LUZP2: variants seen among roughly 807,000 people sequenced by gnomAD.
LUZP2 encodes the protein leucine zipper protein 2.
In LUZP2, 52 loss-of-function variants were observed where a neutral mutation model predicts 51.6. The ratio of observed to expected loss-of-function variants is 1.01; its 90% CI spans 0.81 to 1.27. LUZP2 has a LOEUF of 1.27. Ranked by LOEUF, LUZP2 falls within the 50% of genes most tolerant of loss-of-function variation. The pLI, the probability that LUZP2 is intolerant of heterozygous loss-of-function variation, is 0.00. For missense variants in LUZP2, 436 were observed against 395.4 expected (o/e 1.10, Z -0.87); for synonymous variants, 154 against 137.3 (o/e 1.12, Z -0.85).
intron 5 of LUZP2, among the ~76,000 whole-genome samples, chr11:24,847,095 A>C (rs1197322605): frequency 6.6e-6 from 1 of 151,824 alleles, no homozygotes; most frequent in Non-Finnish European, 1.5e-5. Flanking sequence ...TTACTTGAAA[A>C]CACATTACAG....
intron 5 of LUZP2, among the ~76,000 whole-genome samples, chr11:24,834,415 G>T (rs1190137495): frequency 3.3e-5 from 5 of 152,186 alleles, no homozygotes; most frequent in African/African-American, 1.2e-4. Flanking sequence ...TCCCTGCAAA[G>T]GACATGATCT....
At chr11:24,944,958 C>T (rs376053810) in intron 7 of LUZP2, among the ~76,000 whole-genome samples, 5 of 152,262 alleles carry the variant, frequency 3.3e-5, no homozygotes, top group East Asian at 3.9e-4. Context: ...TATGCTCATA[C>T]GTACATTTAT....
At chr11:24,918,779 C>T (rs1312339671) in intron 7 of LUZP2, among the ~76,000 whole-genome samples, 1 of 147,250 alleles carries the variant, frequency 6.8e-6, no homozygotes, top group Admixed American at 7.0e-5. Flanking sequence ...TGTCTATTTC[C>T]CTTTGTATGA....
chr11:24,673,236 G>T (rs768075702), intron 1 of LUZP2, among the ~76,000 whole-genome samples: 1 of 152,152 alleles, frequency 6.6e-6, no homozygotes, highest in Admixed American at 6.5e-5. Flanking sequence ...AGGTAGAGTA[G>T]AAATACAGTA....
intron 7 of LUZP2, among the ~76,000 whole-genome samples, chr11:24,926,464 TAC>T (rs1318369825): frequency 1.1e-4 from 15 of 137,976 alleles, no homozygotes; most frequent in Admixed American, 2.2e-4. Flanking sequence ...TGTATATATA[TAC>T]GTGTATATAT....
At chr11:24,775,445 C>G (rs141300225) in intron 5 of LUZP2, among the ~76,000 whole-genome samples, 1 of 152,116 alleles carries the variant, frequency 6.6e-6, no homozygotes, top group Non-Finnish European at 1.5e-5. Flanking sequence ...ATTGTTACAG[C>G]CAAAGCATAA....
At chr11:24,789,154 T>C (rs1849335139) in intron 5 of LUZP2, among the ~76,000 whole-genome samples, 1 of 152,352 alleles carries the variant, frequency 6.6e-6, no homozygotes, top group African/African-American at 2.4e-5. Flanking sequence ...TAGTACGCTC[T>C]ATGGACAACA....
chr11:24,558,792 T>A (rs781287157), intron 1 of LUZP2, among the ~76,000 whole-genome samples: 1 of 152,204 alleles, frequency 6.6e-6, no homozygotes, highest in Non-Finnish European at 1.5e-5. Context: ...ACAGTGTTTG[T>A]CACTTTTGTC....
intron 1 of LUZP2, among the ~76,000 whole-genome samples, chr11:24,593,250 C>T (rs751790584): frequency 1.1e-4 from 16 of 152,102 alleles, no homozygotes; most frequent in Non-Finnish European, 2.2e-4. Context: ...TTGCAAATGT[C>T]TTACATTATA....
At chr11:25,014,209 T>G (rs1426235501) in intron 9 of LUZP2, among the ~76,000 whole-genome samples, 2 of 152,232 alleles carry the variant, frequency 1.3e-5, no homozygotes, top group Non-Finnish European at 2.9e-5. Flanking sequence ...ACAATAAACA[T>G]ACGTGTGCGT....
intron 9 of LUZP2, among the ~76,000 whole-genome samples, chr11:25,005,287 C>T (rs111711200): frequency 4.6e-5 from 7 of 152,280 alleles, no homozygotes; most frequent in African/African-American, 1.7e-4. Context: ...AAAGGTCCTC[C>T]TGTGAGATGT....
intron 5 of LUZP2, chr11:24,785,788 A>G (rs1402387499): frequency 1.2e-6 from 1 of 808,102 alleles, no homozygotes; most frequent in African/African-American, 1.9e-5. Context: ...GTCAGACAGC[A>G]TTTAGCCCAC....
At chr11:24,954,470 G>A (rs1855161742) in intron 7 of LUZP2, among the ~76,000 whole-genome samples, 1 of 152,010 alleles carries the variant, frequency 6.6e-6, no homozygotes, top group East Asian at 1.9e-4. Context: ...TGGCACCCCT[G>A]GTCTGATGTC....
At chr11:24,899,648 C>T (rs770080868) in intron 5 of LUZP2, among the ~76,000 whole-genome samples, 3 of 151,964 alleles carry the variant, frequency 2.0e-5, no homozygotes, top group African/African-American at 2.4e-5. Flanking sequence ...AAGGCTTTAG[C>T]GTGTCTCACA....
rs564553689 is a variant in LUZP2 at position 24,600,215 on chromosome 11, ACACG to A, written c.62+102914_62+102917del. 6.6e-3 allele frequency among the ~76,000 whole-genome samples: 958 copies of A among 145,550 alleles called. 30 individuals are homozygous for A. The East Asian group carries it at 0.088, about 13-fold the overall frequency. On this transcript the variant is annotated intron_variant, in intron 1 of 11. Transcript: ENST00000336930. ...CACACACACACACACACACACACAC[ACACG>A]CACAATGGGGTAACATCATGTGAAG...
chr11:24,509,537 T>C (rs1464844996), intron 1 of LUZP2, among the ~76,000 whole-genome samples: 1 of 148,964 alleles, frequency 6.7e-6, no homozygotes, highest in Non-Finnish European at 1.5e-5. Flanking sequence ...ATGTAGTATA[T>C]ATTATATGCA....
chr11:24,636,480 C>T (rs1358555816), intron 1 of LUZP2, among the ~76,000 whole-genome samples: 1 of 152,090 alleles, frequency 6.6e-6, no homozygotes, highest in Non-Finnish European at 1.5e-5. Flanking sequence ...ATCAGATTTT[C>T]CCCATTGATA....
intron 10 of LUZP2, among the ~76,000 whole-genome samples, chr11:25,073,425 A>C (rs760037960): frequency 1.3e-5 from 2 of 152,158 alleles, no homozygotes; most frequent in Non-Finnish European, 2.9e-5. Context: ...TGCTGGGAGA[A>C]TCTCCGGAAC....
At chr11:25,028,066 T>C (rs2133985413) in intron 9 of LUZP2, among the ~76,000 whole-genome samples, 1 of 152,240 alleles carries the variant, frequency 6.6e-6, no homozygotes, top group East Asian at 1.9e-4. Flanking sequence ...TTTTAATTAA[T>C]TTTTAATTTG....
Sources: gnomAD v4.1 joint callset for allele counts (sites outside exome capture counted in the v4.1 genomes callset) on GRCh38, gnomAD v4.1.1 for gene constraint, MANE v1.5 for transcripts, NCBI Gene and HGNC (gene_info 2026-07-23, HGNC 2026-07-21) for gene names.